Variants in TENM1 observed in about 807,000 individuals in gnomAD.
The protein encoded by TENM1 is teneurin-1.
TENM1 carries 35 observed loss-of-function variants against 174.8 expected under a neutral mutation model. That is an observed-to-expected ratio of 0.20 (90% confidence interval 0.15 to 0.27). TENM1 has a LOEUF of 0.27. Among genes scored for constraint, TENM1 ranks in the 10% least tolerant of loss-of-function variants. The pLI is 1.00. For synonymous variants in TENM1, 781 were observed against 798.7 expected (o/e 0.98, Z 0.37); for missense variants, 1,633 against 2,130.1 (o/e 0.77, Z 4.59).
intron 11 of TENM1, among the ~76,000 whole-genome samples, chrX:124,570,835 T>G (rs936155525): frequency 3.0e-4 from 34 of 111,707 alleles, no homozygotes; most frequent in African/African-American, 1.1e-3. Context: ...TGTTAAAATC[T>G]TTTTTTGTGT....
chrX:124,481,991 C>A (rs769237097), intron 21 of TENM1, 27 bp from the exon 25 acceptor site: 2 of 1,068,577 alleles, frequency 1.9e-6, no homozygotes, highest in Non-Finnish European at 2.6e-6. Context: ...TAAAGTTATT[C>A]AAGGCAATTT....
chrX:124,846,057 G>C (rs1160142332), intron 3 of TENM1, among the ~76,000 whole-genome samples: 1 of 110,170 alleles, frequency 9.1e-6, no homozygotes, highest in African/African-American at 3.3e-5. Flanking sequence ...TAGGGGGAGT[G>C]GGGTAGTTGG....
the TENM1 span, among the ~76,000 whole-genome samples, chrX:125,110,878 C>A: frequency 1.8e-5 from 2 of 111,700 alleles, no homozygotes; most frequent in East Asian, 5.7e-4. Context: ...AGCTGTGTGT[C>A]TGCTTTAAGT....
intron 9 of TENM1, among the ~76,000 whole-genome samples, chrX:124,645,931 C>T (rs922703475): frequency 2.7e-5 from 3 of 111,086 alleles, no homozygotes; most frequent in Non-Finnish European, 5.7e-5. Context: ...CACACTCAAC[C>T]CCCACCTCCT....
the TENM1 span, among the ~76,000 whole-genome samples, chrX:125,145,490 T>C: frequency 8.9e-6 from 1 of 112,590 alleles, no homozygotes; most frequent in Non-Finnish European, 1.9e-5. Flanking sequence ...CTACAATTGC[T>C]ATAAATTCTT....
At chrX:124,763,108 G>A (rs1204605902) in intron 3 of TENM1, among the ~76,000 whole-genome samples, 1 of 111,570 alleles carries the variant, frequency 9.0e-6, no homozygotes, top group African/African-American at 3.3e-5. Context: ...GTAAGCACAT[G>A]CATATTAATA....
chrX:125,183,179 A>G, the TENM1 span, among the ~76,000 whole-genome samples: 1 of 112,216 alleles, frequency 8.9e-6, no homozygotes, highest in South Asian at 3.7e-4. Context: ...ATTTTATTGC[A>G]TTGCCACATC....
chrX:124,979,300 T>C, the TENM1 span, among the ~76,000 whole-genome samples: 1 of 111,611 alleles, frequency 9.0e-6, no homozygotes, highest in Non-Finnish European at 1.9e-5. Context: ...TTTTTGTCAA[T>C]TCGTTGAGCT....
chrX:124,563,603 G>A lies in TENM1; in HGVS notation c.2287+146C>T, dbSNP rs1029120330. ...CCTTTTAGTGTGACTATTTTAGCATGAAACTGACAACATTATATTTAAATA... is the reference window on the plus strand; with the variant it reads ...CCTTTTAGTGTGACTATTTTAGCATAAAACTGACAACATTATATTTAAATA... On this transcript the variant is annotated intron_variant, in intron 13 of 31. Transcript: ENST00000422452. 6.6e-6 allele frequency: 3 copies of A among 455,883 alleles called. No homozygotes were observed. The African/African-American group carries it at 7.5e-5, about 11-fold the overall frequency. The allele number at this position is 455,883 out of a possible 1,213,427, so 37.6% of individuals were successfully genotyped here.
chrX:124,574,538 T>C (rs778778600), intron 11 of TENM1, among the ~76,000 whole-genome samples: 2 of 111,153 alleles, frequency 1.8e-5, no homozygotes, highest in African/African-American at 3.3e-5. Context: ...TTGCCCAGCA[T>C]CTGGTAGAAT....
chrX:124,931,852 G>A (rs1469475052), intron 1 of TENM1, among the ~76,000 whole-genome samples: 4 of 106,450 alleles, frequency 3.8e-5, no homozygotes, highest in Non-Finnish European at 7.8e-5. Context: ...TGTAAGGGGA[G>A]GGAGGACGCC....
At chrX:124,886,548 T>TATAGAGAGAGAG (rs1187597592) in intron 3 of TENM1, among the ~76,000 whole-genome samples, 1 of 59,993 alleles carries the variant, frequency 1.7e-5, no homozygotes, top group African/African-American at 6.6e-5. Context: ...TATATATATA[T>TATAGAGAGAGAG]AGAGAGAGAG....
At chrX:125,010,209 C>G in the TENM1 span, among the ~76,000 whole-genome samples, 1 of 110,974 alleles carries the variant, frequency 9.0e-6, no homozygotes, top group Non-Finnish European at 1.9e-5. Flanking sequence ...GTGCAAAAAT[C>G]ACAAGCATTC....
chrX:125,113,788 T>C, the TENM1 span, among the ~76,000 whole-genome samples: 7 of 110,756 alleles, frequency 6.3e-5, no homozygotes, highest in Non-Finnish European at 1.3e-4. Context: ...ACAAAGAGAC[T>C]TAGACTCCCA....
At chrX:124,389,031 T>C (rs1046678152) in intron 28 of TENM1, among the ~76,000 whole-genome samples, 17 of 112,066 alleles carry the variant, frequency 1.5e-4, no homozygotes, top group African/African-American at 5.2e-4. Flanking sequence ...CTCAGAGAAG[T>C]CTCATAAATC....
the TENM1 span, among the ~76,000 whole-genome samples, chrX:125,132,933 A>T: frequency 2.7e-5 from 3 of 111,750 alleles, no homozygotes; most frequent in East Asian, 8.5e-4. Flanking sequence ...AATATACCTA[A>T]CTGATGAGTG....
chrX:125,042,603 T>C, the TENM1 span, among the ~76,000 whole-genome samples: 1 of 111,388 alleles, frequency 9.0e-6, no homozygotes, highest in African/African-American at 3.3e-5. Context: ...CATGGACCTC[T>C]TTGAACAAAA....
intron 22 of TENM1, among the ~76,000 whole-genome samples, chrX:124,479,805 C>A (rs1372047480): frequency 9.0e-6 from 1 of 111,386 alleles, no homozygotes; most frequent in Non-Finnish European, 1.9e-5. Flanking sequence ...GAATTTTAAA[C>A]CTGTGTAAAA....
chrX:124,873,966 G>A (rs2057154030), intron 3 of TENM1, among the ~76,000 whole-genome samples: 1 of 111,467 alleles, frequency 9.0e-6, no homozygotes, highest in South Asian at 3.8e-4. Flanking sequence ...TAAGGCTGCA[G>A]AGTATTCCAC....
Sources: allele counts gnomAD v4.1 joint callset (sites outside exome capture counted in the v4.1 genomes callset), GRCh38; gene constraint gnomAD v4.1.1; transcripts MANE v1.5; gene names NCBI Gene and HGNC (gene_info 2026-07-23, HGNC 2026-07-21).